Variants in PDE1C observed in about 807,000 individuals in gnomAD.
PDE1C encodes phosphodiesterase 1C.
PDE1C carries 62 observed loss-of-function variants against 93.1 expected under a neutral mutation model. The ratio of observed to expected loss-of-function variants is 0.67; its 90% CI spans 0.54 to 0.82. The LOEUF (loss-of-function observed/expected upper bound fraction) is 0.82, where lower values mean the gene tolerates loss of function less well. PDE1C is among the 40% of genes least tolerant of loss of function. The pLI is 0.00. For missense variants in PDE1C, 742 were observed against 884.6 expected, an observed-to-expected ratio of 0.84 and a Z score of 2.04; for synonymous variants, 325 against 310.1, an observed-to-expected ratio of 1.05 and a Z score of -0.50.
intron 2 of PDE1C, among the ~76,000 whole-genome samples, chr7:31,894,667 G>A (rs533070239): frequency 6.6e-6 from 1 of 152,316 alleles, no homozygotes; most frequent in South Asian, 2.1e-4. Flanking sequence ...GCTAAAACCT[G>A]TGGCCTGGGT....
the PDE1C span, among the ~76,000 whole-genome samples, chr7:31,683,348 A>G: frequency 3.3e-5 from 5 of 152,306 alleles, no homozygotes; most frequent in East Asian, 9.6e-4. Context: ...AAAGACAACC[A>G]TTCACCTTGC....
chr7:32,355,941 G>A (rs1354322506), intron 1 of PDE1C, among the ~76,000 whole-genome samples: 1 of 152,182 alleles, frequency 6.6e-6, no homozygotes, highest in Non-Finnish European at 1.5e-5. Context: ...ACTCTCAAAT[G>A]TTAAAGTATA....
intron 2 of PDE1C, among the ~76,000 whole-genome samples, chr7:32,033,235 A>G (rs1213959448): frequency 6.6e-6 from 1 of 151,936 alleles, no homozygotes; most frequent in East Asian, 1.9e-4. Flanking sequence ...TCTCTTTGTG[A>G]CTCATCCACA....
At chr7:32,359,698 G>A (rs1187263401) in intron 1 of PDE1C, among the ~76,000 whole-genome samples, 2 of 152,148 alleles carry the variant, frequency 1.3e-5, no homozygotes, top group Non-Finnish European at 2.9e-5. Context: ...ATAAATGTAA[G>A]AGGCTGTCTT....
intron 16 of PDE1C, among the ~76,000 whole-genome samples, chr7:31,803,603 T>G (rs1374422185): frequency 6.6e-6 from 1 of 151,902 alleles, no homozygotes; most frequent in Admixed American, 6.6e-5. Flanking sequence ...TGTGTCCATG[T>G]GTTCTCATTG....
At chr7:31,963,102 T>G (rs889693588) in intron 2 of PDE1C, among the ~76,000 whole-genome samples, 1 of 152,236 alleles carries the variant, frequency 6.6e-6, no homozygotes, top group Admixed American at 6.5e-5. Context: ...ATACACATTT[T>G]TTTAAAAGCC....
the PDE1C span, among the ~76,000 whole-genome samples, chr7:31,738,029 GC>G: frequency 6.6e-6 from 1 of 152,030 alleles, no homozygotes; most frequent in African/African-American, 2.4e-5. Flanking sequence ...ACCTATCCCT[GC>G]CCACCTTTCC....
chr7:31,651,329 A>C, the PDE1C span: 4 of 1,583,444 alleles, frequency 2.5e-6, no homozygotes, highest in South Asian at 1.2e-5. Flanking sequence ...AGCAAGGAAG[A>C]TAATCAGGGC....
chr7:32,363,139 G>C (rs1280773106), intron 1 of PDE1C, among the ~76,000 whole-genome samples: 1 of 152,150 alleles, frequency 6.6e-6, no homozygotes, highest in Non-Finnish European at 1.5e-5. Context: ...AAGTGAAAGG[G>C]GGCATCTTTA....
intron 3 of PDE1C, among the ~76,000 whole-genome samples, chr7:32,092,278 T>C (rs1465974646): frequency 6.6e-6 from 1 of 152,176 alleles, no homozygotes; most frequent in East Asian, 1.9e-4. Flanking sequence ...GAGTAAAGTG[T>C]GTGCTTTGAA....
At chr7:31,903,755 G>C (rs1049565756) in intron 2 of PDE1C, among the ~76,000 whole-genome samples, 2 of 152,102 alleles carry the variant, frequency 1.3e-5, no homozygotes, top group African/African-American at 4.8e-5. Context: ...AGAAAGATTT[G>C]CCTGAGTCAA....
At chr7:32,252,789 A>T (rs1048811132) in intron 1 of PDE1C, among the ~76,000 whole-genome samples, 1 of 152,266 alleles carries the variant, frequency 6.6e-6, no homozygotes, top group Non-Finnish European at 1.5e-5. Flanking sequence ...GAGTTACTAG[A>T]AAATTGAAAT....
intron 1 of PDE1C, among the ~76,000 whole-genome samples, chr7:32,415,865 C>T (rs546711386): frequency 1.3e-5 from 2 of 152,332 alleles, no homozygotes; most frequent in South Asian, 4.1e-4. Context: ...AAATAAAATC[C>T]CTGCAAAAGA....
chr7:31,782,323 A>G (rs1388673179), intron 16 of PDE1C, among the ~76,000 whole-genome samples: 1 of 152,238 alleles, frequency 6.6e-6, no homozygotes, highest in African/African-American at 2.4e-5. Context: ...ATAGCGAAAG[A>G]TCATAAGAAA....
chr7:31,708,998 T>A, the PDE1C span, among the ~76,000 whole-genome samples: 1 of 152,102 alleles, frequency 6.6e-6, no homozygotes, highest in African/African-American at 2.4e-5. Context: ...CATAAAGTCT[T>A]TACAAAACCA....
intron 1 of PDE1C, among the ~76,000 whole-genome samples, chr7:32,223,131 C>T (rs1806996478): frequency 5.3e-5 from 8 of 152,246 alleles, no homozygotes. Flanking sequence ...GTTCAAATCA[C>T]TGCCTCCAAA....
At chr7:32,223,810 G>A (rs998943923) in intron 1 of PDE1C, among the ~76,000 whole-genome samples, 4 of 152,142 alleles carry the variant, frequency 2.6e-5, no homozygotes, top group Admixed American at 2.0e-4. Context: ...GCGGGTGCTT[G>A]AGTCTCCATC....
chr7:31,955,700 C>A (rs1162385137), intron 2 of PDE1C, among the ~76,000 whole-genome samples: 1 of 152,130 alleles, frequency 6.6e-6, no homozygotes, highest in Admixed American at 6.5e-5. Flanking sequence ...GCATCCTACC[C>A]AACTATCTCA....
chr7:31,661,114 A>AG, the PDE1C span, among the ~76,000 whole-genome samples: 1 of 154 alleles, frequency 6.5e-3, no homozygotes, highest in Non-Finnish European at 0.017. Context: ...TCAGTACCAC[A>AG]GAGAGGTATG....
Sources: gnomAD v4.1 joint callset for allele counts (sites outside exome capture counted in the v4.1 genomes callset) on GRCh38, gnomAD v4.1.1 for gene constraint, MANE v1.5 for transcripts, NCBI Gene and HGNC (gene_info 2026-07-23, HGNC 2026-07-21) for gene names.